MYL6B: variants seen among roughly 807,000 people sequenced by gnomAD.
MYL6B encodes the protein myosin alkali light chain 1 slow a.
A neutral mutation model predicts 24.5 loss-of-function variants in MYL6B; 19 were observed. The observed-to-expected ratio is 0.78, with a 90% confidence interval of 0.54 to 1.14. The LOEUF is 1.14. MYL6B is among the 50% of genes most tolerant of loss of function. MYL6B has a pLI of 0.00. For missense variants in MYL6B, 230 were observed against 263.8 expected, an observed-to-expected ratio of 0.87 and a Z score of 0.89; for synonymous variants, 90 against 100.7, an observed-to-expected ratio of 0.89 and a Z score of 0.64.
chr12:56,155,569 T>C, exon 5 of MYL6B: 1 of 1,612,814 alleles, frequency 6.2e-7, no homozygotes, highest in Non-Finnish European at 8.5e-7. Flanking sequence ...GGAGCAGAGC[T>C]CAGACATGTT....
At chr12:56,154,156 G>A in intron 2 of MYL6B, 64 bp downstream of exon 2, 2 of 1,468,360 alleles carry the variant, frequency 1.4e-6, no homozygotes, top group Non-Finnish European at 9.2e-7. Context: ...TACAGCCTAG[G>A]GGATTAGGGG....
At chr12:56,154,123 G>A in intron 2 of MYL6B, 31 bp downstream of exon 2, 1 of 1,596,068 alleles carries the variant, frequency 6.3e-7, no homozygotes, top group South Asian at 1.1e-5. Context: ...GATAGAATTG[G>A]AGGGGGTGGT....
intron 1 of MYL6B, chr12:56,153,571 C>A (rs1871190506): frequency 1.4e-6 from 1 of 739,212 alleles, no homozygotes; most frequent in Non-Finnish European, 1.7e-6. Context: ...GCCTCACCAC[C>A]CCCATCTCAG....
rs781047152 is a variant in MYL6B at position 56,155,484 on chromosome 12, C to T, written c.412C>T (p.Arg138Ter). 13 of 1,613,934 alleles carry T rather than the reference C, an allele frequency of 8.1e-6. 1 individual carries two copies. The highest frequency in any genetic ancestry group is 5.3e-5 in the African/African-American group (4 of 74,872). Residue 138 changes from arginine to a stop codon, truncating the protein, a stop_gained, in exon 5 of 7, where the codon CGA (arginine) becomes TGA (stop). Transcript: ENST00000553066. LOFTEE classifies it high-confidence loss of function. ...CATGCTCCAGGCAGTGGCCAAGAACCGAGGCCAAGGCACATATGAGGACTA... is the reference window on the plus strand; with the variant it reads ...CATGCTCCAGGCAGTGGCCAAGAACTGAGGCCAAGGCACATATGAGGACTA...
chr12:56,155,925 G>A (rs1871288543), intron 5 of MYL6B: 1 of 1,212,402 alleles, frequency 8.2e-7, no homozygotes, highest in Non-Finnish European at 1.0e-6. Flanking sequence ...CAGTACTAGG[G>A]TGAAATGGAA....
chr12:56,155,375 G>T (rs752838682), intron 4 of MYL6B, 44 bp from the exon 5 acceptor site: 1 of 1,613,662 alleles, frequency 6.2e-7, no homozygotes, highest in South Asian at 1.1e-5. Context: ...TGGGTCCTAT[G>T]TAATACTACA....
rs113437778 is a variant in MYL6B, at chr12:56,157,696, A to G, written c.599-2A>G. 2 of 1,612,984 alleles carry G rather than the reference A, an allele frequency of 1.2e-6. No individual in the cohort carries two copies. Among genetic ancestry groups the G allele is most frequent in the Non-Finnish European group, 8.5e-7 (1 of 1,180,020 alleles). ...AGCCCCTCTTGCCTCCTCTCTCTGC[A>G]GCCTTCTTGAAACACATCCTAAGCG... On this transcript the variant is annotated splice_acceptor_variant, in intron 6 of 6. Transcript: ENST00000553066. LOFTEE classifies it high-confidence loss of function.
intron 2 of MYL6B, among the ~76,000 whole-genome samples, 161 bp downstream of exon 2, chr12:56,154,253 A>G (rs1224710086): frequency 6.6e-6 from 1 of 151,712 alleles, no homozygotes; most frequent in African/African-American, 2.4e-5. Context: ...CAGTCTTATG[A>G]CTCTGCTGTT....
intron 1 of MYL6B, 22 bp from the exon 2 acceptor site, chr12:56,153,851 G>A: frequency 6.7e-7 from 1 of 1,495,626 alleles, no homozygotes; most frequent in Non-Finnish European, 9.0e-7. Flanking sequence ...TGACATCCCA[G>A]ACTCCCTGGC....
At chr12:56,154,161 T>TA in intron 2 of MYL6B, 69 bp downstream of exon 2, 1 of 1,465,722 alleles carries the variant, frequency 6.8e-7, no homozygotes. Context: ...CCTAGGGGAT[T>TA]AGGGGGTATC....
At chr12:56,157,391 A>G in intron 5 of MYL6B, 77 bp from the exon 6 acceptor site, 1 of 1,337,508 alleles carries the variant, frequency 7.5e-7, no homozygotes, top group Non-Finnish European at 1.0e-6. Flanking sequence ...CTCCGTCTCA[A>G]AAAAAAAAAG....
chr12:56,157,692 C>T lies in MYL6B; in HGVS notation c.599-6C>T, dbSNP rs762770009. On this transcript the variant is annotated splice_polypyrimidine_tract_variant and splice_region_variant and intron_variant, in intron 6 of 6. Coordinates refer to ENST00000553066, the Ensembl canonical transcript of MYL6B. ...CTGAAGCCCCTCTTGCCTCCTCTCT[C>T]TGCAGCCTTCTTGAAACACATCCTA... The T allele has an allele frequency of 9.7e-5, 156 of 1,612,992 alleles. No individual in the cohort carries two copies. Among genetic ancestry groups the T allele is most frequent in the Admixed American group, 2.2e-4 (13 of 60,010 alleles).
chr12:56,154,485 C>T (rs577461838), intron 2 of MYL6B, among the ~76,000 whole-genome samples: 1 of 152,234 alleles, frequency 6.6e-6, no homozygotes, highest in Non-Finnish European at 1.5e-5. Flanking sequence ...AGAGGACAGA[C>T]TTGTTAGACA....
Position 56,155,716 on chromosome 12 carries a change from G to A in MYL6B, c.520+124G>A, listed in dbSNP as rs746417518. 12 of 1,556,176 alleles carry A rather than the reference G, an allele frequency of 7.7e-6. No homozygotes were observed. In the South Asian group the frequency reaches 1.4e-4, roughly 18 times the overall value. ...ACTGTCCTGCAGGTTGTCGGCAGGA[G>A]ACTGAGAAGGTCAGAGCTATGGGGG... On this transcript the variant is annotated intron_variant, in intron 5 of 6. Coordinates refer to ENST00000553066, the Ensembl canonical transcript of MYL6B.
chr12:56,157,868 G>T lies in MYL6B; in HGVS notation c.*142G>T, dbSNP rs940094373. On this transcript the variant is annotated 3_prime_UTR_variant, in exon 7 of 7. Transcript: ENST00000553066. ...CGGGCTCCAGCGCTTCGCAACTTTG[G>T]TTTTTTTCCACAGATCCAGTGGGGT... is the stretch of plus-strand genomic sequence containing the variant. 1.8e-5 allele frequency: 19 copies of T among 1,050,788 alleles called. No individual in the cohort carries two copies. The highest frequency in any genetic ancestry group is 1.7e-4 in the Admixed American group (7 of 41,194). The allele number at this position is 1,050,788 out of a possible 1,614,324, so 65.1% of individuals were successfully genotyped here.
At chr12:56,155,537 G>A in exon 5 of MYL6B, 1 of 1,613,972 alleles carries the variant, frequency 6.2e-7, no homozygotes, top group Non-Finnish European at 8.5e-7. Context: ...TGTTTGACAA[G>A]GAGGGGAACG....
At chr12:56,154,368 G>A (rs1871227632) in intron 2 of MYL6B, among the ~76,000 whole-genome samples, 1 of 152,128 alleles carries the variant, frequency 6.6e-6, no homozygotes, top group African/African-American at 2.4e-5. Flanking sequence ...GGAACATCTG[G>A]GTTCTGAGAA....
intron 4 of MYL6B, 36 bp from the exon 5 acceptor site, chr12:56,155,383 A>G: frequency 6.2e-7 from 1 of 1,614,004 alleles, no homozygotes. Context: ...ATGTAATACT[A>G]CAATGACCTC....
In MYL6B at chr12:56,154,997, G is replaced by A. The variant is rs1871250290; in HGVS notation, c.203-58G>A. 3 of 1,569,356 alleles carry A rather than the reference G, an allele frequency of 1.9e-6. No individual in the cohort carries two copies. The South Asian group carries it at 3.6e-5, about 19-fold the overall frequency. The stretch of plus-strand genomic sequence containing the variant: ...CACATAGTTTCTGAAATTCCCTTCT[G>A]TCTGGGGGTGATGGGAACCCTAGTC... On this transcript the variant is annotated intron_variant, in intron 3 of 6. Coordinates refer to ENST00000553066, the Ensembl canonical transcript of MYL6B.
Sources: allele counts gnomAD v4.1 joint callset (sites outside exome capture counted in the v4.1 genomes callset), GRCh38; gene constraint gnomAD v4.1.1; transcripts MANE v1.5; gene names NCBI Gene and HGNC (gene_info 2026-07-23, HGNC 2026-07-21).